Variants in C6orf163 observed in about 807,000 individuals in gnomAD.
C6orf163 encodes chromosome 6 open reading frame 163, also known as uncharacterized protein C6orf163.
C6orf163 carries 22 observed loss-of-function variants against 28.4 expected under a neutral mutation model. The observed-to-expected ratio is 0.78, with a 90% CI of 0.55 to 1.11. The LOEUF is 1.11. Ranked by LOEUF, C6orf163 falls within the 50% of genes least tolerant of loss-of-function variation. The probability of loss-of-function intolerance (pLI) is 0.00; values close to 1 mark genes in which losing one functional copy is unlikely to be tolerated. For synonymous variants in C6orf163, 110 were observed against 123.6 expected, an observed-to-expected ratio of 0.89 and a Z score of 0.73; for missense variants, 342 against 389.1, an observed-to-expected ratio of 0.88 and a Z score of 1.02.
chr6:87,349,254 A>G (rs6921504), intron 2 of C6orf163, among the ~76,000 whole-genome samples: 65,579 of 151,830 alleles, frequency 0.43, 14,507 homozygotes, highest in Non-Finnish European at 0.48. Context: ...TTGAAACCAA[A>G]ACTAAAAAGA....
intron 1 of C6orf163, chr6:87,348,558 C>T (rs1413446351): frequency 2.5e-6 from 3 of 1,217,402 alleles, no homozygotes; most frequent in Non-Finnish European, 3.1e-6. Flanking sequence ...ATTTCACCTC[C>T]CCAGTTGTCT....
intron 4 of C6orf163, chr6:87,359,325 T>A (rs540519461): frequency 6.6e-6 from 1 of 152,308 alleles, no homozygotes; most frequent in African/African-American, 2.4e-5. Flanking sequence ...GAAAGTATGA[T>A]GTATAATGAG....
chr6:87,353,924 T>C (rs1468841491), intron 3 of C6orf163, among the ~76,000 whole-genome samples: 2 of 152,230 alleles, frequency 1.3e-5, no homozygotes, highest in Non-Finnish European at 2.9e-5. Flanking sequence ...TGATCTTGGC[T>C]CATTGCAACC....
In C6orf163 at chr6:87,345,069, G is replaced by C. The variant is rs990686260; in HGVS notation, c.-31G>C. 2.7e-6 allele frequency: 4 copies of C among 1,483,622 alleles called. No homozygotes were observed. The highest frequency in any genetic ancestry group is 3.6e-6 in the Non-Finnish European group (4 of 1,118,872). 91.9% of individuals were successfully genotyped at this position (1,483,622 alleles called of 1,614,324 possible). A position where few individuals can be genotyped will look rare whatever the true frequency, so the allele number is the denominator to read the frequency against. Reference sequence around the variant, plus strand: ...TTCTGATTCTAAGATTATTTTAACTGTAAGTAGGAGAAGACATCTGAAATT... The same window carrying C: ...TTCTGATTCTAAGATTATTTTAACTCTAAGTAGGAGAAGACATCTGAAATT... On this transcript the variant is annotated 5_prime_UTR_variant, in exon 1 of 5. Coordinates refer to ENST00000388923, the MANE Select transcript of C6orf163 (RefSeq NM_001010868.3).
At chr6:87,349,253 A>G (rs1777375871) in intron 2 of C6orf163, among the ~76,000 whole-genome samples, 1 of 152,124 alleles carries the variant, frequency 6.6e-6, no homozygotes, top group African/African-American at 2.4e-5. Context: ...ATTGAAACCA[A>G]AACTAAAAAG....
chr6:87,350,286 T>G, intron 2 of C6orf163, 108 bp from the exon 3 acceptor site: 1 of 702,106 alleles, frequency 1.4e-6, no homozygotes, highest in Non-Finnish European at 2.4e-6. Context: ...TGGTTGTTGC[T>G]AATTTTCAGT....
In C6orf163 at chr6:87,355,103, C is replaced by T. The variant is rs137971951; in HGVS notation, c.352-1198C>T. Among the ~76,000 whole-genome samples, 278 of 152,346 alleles carry T rather than the reference C, an allele frequency of 1.8e-3. 2 individuals are homozygous for T. Among genetic ancestry groups the T allele is most frequent in the African/African-American group, 6.5e-3 (270 of 41,580 alleles). ...GTGTACTATATCTTACAAGACTGTA[C>T]AATTGATGAATCTCTTGAAAGACTC... On this transcript the variant is annotated intron_variant, in intron 3 of 4. Coordinates refer to ENST00000388923, the MANE Select transcript of C6orf163 (RefSeq NM_001010868.3).
chr6:87,345,328 A>T, intron 1 of C6orf163, 81 bp downstream of exon 1: 1 of 1,345,146 alleles, frequency 7.4e-7, no homozygotes, highest in Non-Finnish European at 9.7e-7. Flanking sequence ...GACTTTTATC[A>T]GCTTTTTTCT....
intron 3 of C6orf163, among the ~76,000 whole-genome samples, chr6:87,355,702 C>G (rs1434989548): frequency 6.6e-6 from 1 of 152,198 alleles, no homozygotes; most frequent in African/African-American, 2.4e-5. Flanking sequence ...GCCTCCTTCA[C>G]TAGACAGTGA....
chr6:87,355,082 A>G (rs1777478907), intron 3 of C6orf163, among the ~76,000 whole-genome samples: 1 of 152,260 alleles, frequency 6.6e-6, no homozygotes, highest in Non-Finnish European at 1.5e-5. Flanking sequence ...AACCCAGTGT[A>G]CTATATCTTA....
At chr6:87,347,587 G>T (rs1048086238) in intron 1 of C6orf163, 51 of 985,284 alleles carry the variant, frequency 5.2e-5, no homozygotes, top group Non-Finnish European at 5.5e-5. Context: ...ATTCGCTGAT[G>T]AACTAGTAGG....
chr6:87,345,916 CAAAAAAAAAAAA>C (rs3044136), intron 1 of C6orf163, among the ~76,000 whole-genome samples: 3 of 44,652 alleles, frequency 6.7e-5, no homozygotes, highest in South Asian at 1.8e-3. Context: ...GACTCTGCCT[CAAAAAAAAAAAA>C]AAAAAAAAAA....
chr6:87,361,093 T>G (rs1400487233), intron 4 of C6orf163, among the ~76,000 whole-genome samples: 3 of 152,066 alleles, frequency 2.0e-5, no homozygotes, highest in Admixed American at 6.6e-5. Context: ...GAGTCCAGCC[T>G]GGCCAACATG....
intron 3 of C6orf163, among the ~76,000 whole-genome samples, chr6:87,354,223 G>T (rs1777463713): frequency 6.6e-6 from 1 of 152,184 alleles, no homozygotes. Context: ...ACAAAAAGGG[G>T]CTCACTGATA....
chr6:87,349,189 C>T (rs1303456173), intron 2 of C6orf163, among the ~76,000 whole-genome samples: 2 of 152,134 alleles, frequency 1.3e-5, no homozygotes, highest in African/African-American at 4.8e-5. Flanking sequence ...AGCTTCCTTC[C>T]TTCTCAGCTG....
Position 87,345,040 on chromosome 6 carries a change from C to G in C6orf163, c.-60C>G. On this transcript the variant is annotated 5_prime_UTR_variant, in exon 1 of 5. Coordinates refer to ENST00000388923, the MANE Select transcript of C6orf163 (RefSeq NM_001010868.3). Reference sequence around the variant, plus strand: ...AAACTTTCAGCTTTTCTTGAAACGACTTTTTCTGATTCTAAGATTATTTTA... The same window carrying G: ...AAACTTTCAGCTTTTCTTGAAACGAGTTTTTCTGATTCTAAGATTATTTTA... The G allele has an allele frequency of 7.1e-7, 1 of 1,405,854 alleles. No individual in the cohort carries two copies. Among genetic ancestry groups the G allele is most frequent in the South Asian group, 1.4e-5 (1 of 70,510 alleles). The allele number at this position is 1,405,854 out of a possible 1,614,324, so 87.1% of individuals were successfully genotyped here.
chr6:87,345,022 C>T lies in C6orf163; in HGVS notation c.-78C>T. The T allele has an allele frequency of 2.5e-6, 3 of 1,215,358 alleles. No homozygotes were observed. Among genetic ancestry groups the T allele is most frequent in the Non-Finnish European group, 3.4e-6 (3 of 891,832 alleles). 75.3% of individuals were successfully genotyped at this position (1,215,358 alleles called of 1,614,324 possible). A position where few individuals can be genotyped will look rare whatever the true frequency, so the allele number is the denominator to read the frequency against. On this transcript the variant is annotated 5_prime_UTR_variant, in exon 1 of 5. Transcript: ENST00000388923. ...ACCTCTTCCAGCTTTCTTAAACTTTCAGCTTTTCTTGAAACGACTTTTTCT... is the reference window on the plus strand; with the variant it reads ...ACCTCTTCCAGCTTTCTTAAACTTTTAGCTTTTCTTGAAACGACTTTTTCT...
intron 3 of C6orf163, among the ~76,000 whole-genome samples, chr6:87,353,329 A>T (rs1630494): frequency 0.54 from 81,856 of 151,882 alleles, 22,525 homozygotes; most frequent in Non-Finnish European, 0.6. Flanking sequence ...GATTGTTTGT[A>T]ACACAAAGAA....
intron 3 of C6orf163, among the ~76,000 whole-genome samples, chr6:87,354,865 G>A (rs944682896): frequency 6.6e-6 from 1 of 152,202 alleles, no homozygotes; most frequent in Non-Finnish European, 1.5e-5. Context: ...ATAATTTAGA[G>A]TTCTCTTGAC....
Sources: gnomAD v4.1 joint callset for allele counts (sites outside exome capture counted in the v4.1 genomes callset) on GRCh38, gnomAD v4.1.1 for gene constraint, MANE v1.5 for transcripts, NCBI Gene and HGNC (gene_info 2026-07-23, HGNC 2026-07-21) for gene names.